PDE4D: variants seen among roughly 807,000 people sequenced by gnomAD.
PDE4D encodes the protein phosphodiesterase 4D, also known as 3',5'-cyclic-AMP phosphodiesterase 4D.
Under a neutral mutation model 87.4 loss-of-function variants are expected in PDE4D, and 24 were observed. That is an observed-to-expected ratio of 0.27 (90% CI 0.20 to 0.39). PDE4D has a LOEUF of 0.39. Ranked by LOEUF, PDE4D falls within the 10% of genes least tolerant of loss-of-function variation. The pLI, the probability that PDE4D is intolerant of heterozygous loss-of-function variation, is 1.00. For synonymous variants in PDE4D, 384 were observed against 383.2 expected, an observed-to-expected ratio of 1.00 and a Z score of -0.02; for missense variants, 714 against 1,041.0, an observed-to-expected ratio of 0.69 and a Z score of 4.32.
In PDE4D at chr5:59,141,599, A is replaced by G. The variant is rs76406278; in HGVS notation, c.808+38996T>C. Among the ~76,000 whole-genome samples, 466 of 152,306 alleles carry G rather than the reference A, an allele frequency of 3.1e-3. 10 individuals are homozygous for G. The East Asian group carries it at 0.056, about 18-fold the overall frequency. On this transcript the variant is annotated intron_variant, in intron 5 of 14. Transcript: ENST00000340635. Reference sequence around the variant, plus strand: ...TGGGCTGTGTTACAGAGACTTATAGACCGGGCTTTTTTTGAAGACTATTTA... The same window carrying G: ...TGGGCTGTGTTACAGAGACTTATAGGCCGGGCTTTTTTTGAAGACTATTTA...
intron 2 of PDE4D, among the ~76,000 whole-genome samples, chr5:59,992,102 T>C (rs1402807589): frequency 1.3e-5 from 2 of 152,184 alleles, no homozygotes; most frequent in Non-Finnish European, 2.9e-5. Flanking sequence ...GGATGTTTCC[T>C]GCTCTCGATC....
chr5:59,007,125 A>G (rs893998658), intron 6 of PDE4D, among the ~76,000 whole-genome samples: 5 of 152,230 alleles, frequency 3.3e-5, no homozygotes, highest in African/African-American at 4.8e-5. Flanking sequence ...TTTAAGAAAT[A>G]TTGTTTAAAA....
At chr5:59,671,303 T>C (rs1747157573) in intron 1 of PDE4D, among the ~76,000 whole-genome samples, 1 of 152,032 alleles carries the variant, frequency 6.6e-6, no homozygotes, top group South Asian at 2.1e-4. Flanking sequence ...AGATCGCCAT[T>C]TGAAAAAAAA....
chr5:59,793,156 C>T (rs1317570007), intron 1 of PDE4D, among the ~76,000 whole-genome samples: 1 of 152,160 alleles, frequency 6.6e-6, no homozygotes, highest in Non-Finnish European at 1.5e-5. Flanking sequence ...TGCATGATTT[C>T]CATGGGAGCA....
chr5:60,164,037 G>A (rs995005998), intron 2 of PDE4D, among the ~76,000 whole-genome samples: 4 of 152,192 alleles, frequency 2.6e-5, no homozygotes, highest in African/African-American at 9.6e-5. Flanking sequence ...ATGCCACAGA[G>A]CTGTCTTTAA....
chr5:59,255,377 G>C (rs146042865), intron 1 of PDE4D, among the ~76,000 whole-genome samples: 3 of 151,970 alleles, frequency 2.0e-5, no homozygotes, highest in Non-Finnish European at 4.4e-5. Flanking sequence ...GGAAAAAAAC[G>C]TAGATTAGCC....
intron 5 of PDE4D, among the ~76,000 whole-genome samples, chr5:59,094,150 A>G (rs6450503): frequency 0.66 from 96,334 of 146,690 alleles, 31,539 homozygotes; most frequent in East Asian, 0.82. Context: ...CCTGGGAGGC[A>G]GAGGTTGCAG....
Position 60,175,226 on chromosome 5 carries a change from C to CA in PDE4D, c.42+10330dup, listed in dbSNP as rs529452600. On this transcript the variant is annotated intron_variant, in intron 2 of 16. Coordinates refer to the PDE4D transcript ENST00000502484. ...TCACGTCTACTAACAAGCCCAAAGA[C>CA]ATTTTTTAATCTCTTTGACTATGTT... Among the ~76,000 whole-genome samples the CA allele has an allele frequency of 2.1e-3, 325 of 152,210 alleles. 4 individuals are homozygous for CA. In the Middle Eastern group the frequency reaches 0.024, roughly 11 times the overall value.
chr5:60,431,170 G>A (rs1307598303), intron 1 of PDE4D: 7 of 201,488 alleles, frequency 3.5e-5, no homozygotes, highest in Non-Finnish European at 3.0e-5. Context: ...CGGGCGGGGG[G>A]CTGACCCCCC....
chr5:60,028,403 T>G (rs753892924), intron 2 of PDE4D, among the ~76,000 whole-genome samples: 1 of 152,198 alleles, frequency 6.6e-6, no homozygotes, highest in Non-Finnish European at 1.5e-5. Context: ...CATCTGTTCC[T>G]TTGTTTCTAC....
At position 59,983,725 on chromosome 5, in the gene PDE4D, A is replaced by G. The variant is rs140347601; in HGVS notation, c.272+4763T>C. ...AAATACTAAGTGTTGGTGAGAATGT[A>G]GAACAACTGTACCTACTACGTATTG... On this transcript the variant is annotated intron_variant, in intron 3 of 16. Coordinates refer to the PDE4D transcript ENST00000502484. 3.9e-3 allele frequency among the ~76,000 whole-genome samples: 591 copies of G among 152,340 alleles called. 3 individuals are homozygous for G. The highest frequency in any genetic ancestry group is 0.014 in the African/African-American group (568 of 41,578).
chr5:59,882,013 C>A (rs1488890000), intron 1 of PDE4D, among the ~76,000 whole-genome samples: 1 of 152,136 alleles, frequency 6.6e-6, no homozygotes, highest in Admixed American at 6.5e-5. Context: ...TGGCCTATCC[C>A]ATTGAAGCCA....
intron 2 of PDE4D, among the ~76,000 whole-genome samples, chr5:60,177,137 G>A (rs1450328579): frequency 6.6e-6 from 1 of 152,062 alleles, no homozygotes; most frequent in Non-Finnish European, 1.5e-5. Context: ...GTTACCGCCT[G>A]GAACTGGTTA....
At chr5:60,167,913 A>G (rs565502104) in intron 2 of PDE4D, among the ~76,000 whole-genome samples, 4 of 152,292 alleles carry the variant, frequency 2.6e-5, no homozygotes, top group African/African-American at 9.6e-5. Flanking sequence ...CAATATCTGC[A>G]CATCTAAAGA....
chr5:59,366,319 C>A (rs1365707127), intron 1 of PDE4D, among the ~76,000 whole-genome samples: 1 of 151,980 alleles, frequency 6.6e-6, no homozygotes, highest in East Asian at 1.9e-4. Flanking sequence ...TTGTTTTTTT[C>A]TATGTCATAT....
At chr5:59,030,276 C>T (rs1439164601) in intron 6 of PDE4D, among the ~76,000 whole-genome samples, 2 of 151,760 alleles carry the variant, frequency 1.3e-5, no homozygotes, top group African/African-American at 4.8e-5. Flanking sequence ...ATCTGCAAAC[C>T]ATACATCTGA....
At chr5:60,340,869 T>C (rs1488506392) in intron 1 of PDE4D, among the ~76,000 whole-genome samples, 1 of 149,894 alleles carries the variant, frequency 6.7e-6, no homozygotes, top group Non-Finnish European at 1.5e-5. Flanking sequence ...TGTTCCTCTG[T>C]ATGTAATAGA....
intron 2 of PDE4D, among the ~76,000 whole-genome samples, chr5:59,989,442 G>C (rs1423942617): frequency 6.6e-6 from 1 of 151,982 alleles, no homozygotes; most frequent in Non-Finnish European, 1.5e-5. Flanking sequence ...TGCCCATGAA[G>C]AGAGAGGAAG....
At chr5:60,013,131 T>G (rs973225925) in intron 2 of PDE4D, among the ~76,000 whole-genome samples, 6 of 152,166 alleles carry the variant, frequency 3.9e-5, no homozygotes, top group Non-Finnish European at 7.3e-5. Flanking sequence ...ACTCCGCTTT[T>G]TTGGACCCCG....
Sources: gnomAD v4.1 joint callset for allele counts (sites outside exome capture counted in the v4.1 genomes callset) on GRCh38, gnomAD v4.1.1 for gene constraint, MANE v1.5 for transcripts, NCBI Gene and HGNC (gene_info 2026-07-23, HGNC 2026-07-21) for gene names.